LYPD6B: variants seen among roughly 807,000 people sequenced by gnomAD.
LYPD6B encodes the protein ly6/PLAUR domain-containing protein 6B.
In LYPD6B, 17 loss-of-function variants were observed where a neutral mutation model predicts 22.8. The observed-to-expected ratio is 0.75, with a 90% confidence interval of 0.51 to 1.12. The LOEUF (loss-of-function observed/expected upper bound fraction) is 1.12, where lower values mean the gene tolerates loss of function less well. LYPD6B is among the 50% of genes most tolerant of loss of function. LYPD6B has a pLI of 0.00. For synonymous variants in LYPD6B, 106 were observed against 91.6 expected, an observed-to-expected ratio of 1.16 and a Z score of -0.90; for missense variants, 221 against 258.3, an observed-to-expected ratio of 0.86 and a Z score of 0.99.
At chr2:149,166,733 C>A (rs1690447126) in intron 3 of LYPD6B, among the ~76,000 whole-genome samples, 1 of 152,074 alleles carries the variant, frequency 6.6e-6, no homozygotes, top group Non-Finnish European at 1.5e-5. Context: ...TACAACTTTG[C>A]ACTCATGAGA....
chr2:149,103,632 T>G (rs1686321227), intron 1 of LYPD6B, among the ~76,000 whole-genome samples: 1 of 152,084 alleles, frequency 6.6e-6, no homozygotes, highest in African/African-American at 2.4e-5. Context: ...TCTTGCCCCT[T>G]GGAAATCTCT....
At chr2:149,061,383 A>G (rs1684072602) in intron 1 of LYPD6B, among the ~76,000 whole-genome samples, 2 of 152,130 alleles carry the variant, frequency 1.3e-5, no homozygotes, top group South Asian at 4.2e-4. Flanking sequence ...GTAATAAAAT[A>G]TGTGTCTGTT....
intron 1 of LYPD6B, among the ~76,000 whole-genome samples, chr2:149,108,699 T>C (rs1397906792): frequency 6.6e-6 from 1 of 152,230 alleles, no homozygotes; most frequent in African/African-American, 2.4e-5. Context: ...AATGTTATTT[T>C]TGATGTGTTT....
At chr2:149,076,612 A>G (rs2105376912) in intron 1 of LYPD6B, among the ~76,000 whole-genome samples, 1 of 152,314 alleles carries the variant, frequency 6.6e-6, no homozygotes, top group South Asian at 2.1e-4. Context: ...TATTTAGGGT[A>G]TGTTTTCAGT....
At chr2:149,098,213 A>G (rs1459627969) in intron 1 of LYPD6B, among the ~76,000 whole-genome samples, 1 of 138,218 alleles carries the variant, frequency 7.2e-6, no homozygotes, top group Non-Finnish European at 1.6e-5. Context: ...TGAATCTCTA[A>G]GACTTAAATT....
intron 3 of LYPD6B, among the ~76,000 whole-genome samples, chr2:149,168,924 G>A (rs1690622140): frequency 6.6e-6 from 1 of 152,092 alleles, no homozygotes; most frequent in Admixed American, 6.6e-5. Context: ...GCCTATTTAG[G>A]TATTATCTAA....
At chr2:149,201,369 CT>C (rs1198973396) in intron 3 of LYPD6B, among the ~76,000 whole-genome samples, 1 of 152,182 alleles carries the variant, frequency 6.6e-6, no homozygotes, top group African/African-American at 2.4e-5. Context: ...TAAAAGATTT[CT>C]CCCCCTCTGG....
intron 3 of LYPD6B, among the ~76,000 whole-genome samples, chr2:149,198,712 A>C (rs1375151466): frequency 1.3e-5 from 2 of 152,210 alleles, no homozygotes; most frequent in African/African-American, 4.8e-5. Flanking sequence ...ACAGCTTTAT[A>C]CTTAAAAAAT....
chr2:149,102,490 C>G (rs566112125), intron 1 of LYPD6B, among the ~76,000 whole-genome samples: 1 of 152,214 alleles, frequency 6.6e-6, no homozygotes, highest in East Asian at 1.9e-4. Flanking sequence ...TATGCTTGTT[C>G]CATAAGCAAA....
At chr2:149,212,289 G>T (rs1693908091) in intron 5 of LYPD6B, among the ~76,000 whole-genome samples, 1 of 146,860 alleles carries the variant, frequency 6.8e-6, no homozygotes, top group African/African-American at 2.5e-5. Flanking sequence ...GGTTGAGGAA[G>T]GAGAATGGTG....
At chr2:149,165,776 C>A (rs1483115489) in intron 3 of LYPD6B, among the ~76,000 whole-genome samples, 1 of 152,142 alleles carries the variant, frequency 6.6e-6, no homozygotes, top group African/African-American at 2.4e-5. Flanking sequence ...GCATGTTAAC[C>A]CTAATGCTTC....
intron 1 of LYPD6B, chr2:149,100,979 T>C (rs1686178646): frequency 6.6e-6 from 1 of 152,218 alleles, no homozygotes; most frequent in African/African-American, 2.4e-5. Flanking sequence ...TTGTCAATGT[T>C]CTAATCTTGC....
chr2:149,084,116 A>AAAT (rs1231627765), intron 1 of LYPD6B, among the ~76,000 whole-genome samples: 6 of 151,960 alleles, frequency 3.9e-5, no homozygotes, highest in African/African-American at 1.2e-4. Flanking sequence ...AAATAAAATA[A>AAAT]AATAAAACAC....
chr2:149,145,910 C>A (rs774530143), intron 2 of LYPD6B, among the ~76,000 whole-genome samples: 7 of 152,150 alleles, frequency 4.6e-5, no homozygotes, highest in Admixed American at 4.6e-4. Flanking sequence ...TCTGAAGAAA[C>A]AACAGGCAAC....
intron 2 of LYPD6B, among the ~76,000 whole-genome samples, chr2:149,141,775 C>T (rs1651485531): frequency 6.6e-6 from 1 of 152,132 alleles, no homozygotes; most frequent in Non-Finnish European, 1.5e-5. Context: ...AATTTATTGT[C>T]TCATAGTCCT....
intron 1 of LYPD6B, among the ~76,000 whole-genome samples, chr2:149,040,445 C>T (rs554402569): frequency 1.3e-5 from 2 of 152,064 alleles, no homozygotes; most frequent in Non-Finnish European, 2.9e-5. Flanking sequence ...AGGCTGGTCT[C>T]GAACTCCTAA....
chr2:149,083,957 CA>C (rs34003691), intron 1 of LYPD6B, among the ~76,000 whole-genome samples: 5 of 150,740 alleles, frequency 3.3e-5, no homozygotes, highest in African/African-American at 9.7e-5. Flanking sequence ...ACAAAACAAA[CA>C]AAAAAAAACC....
chr2:149,124,701 A>G (rs1425014796), intron 1 of LYPD6B, among the ~76,000 whole-genome samples: 1 of 152,226 alleles, frequency 6.6e-6, no homozygotes, highest in Non-Finnish European at 1.5e-5. Context: ...TGGAACTGGC[A>G]CTTAAATGTG....
At chr2:149,102,528 A>C (rs557787914) in intron 1 of LYPD6B, among the ~76,000 whole-genome samples, 1 of 152,314 alleles carries the variant, frequency 6.6e-6, no homozygotes, top group East Asian at 1.9e-4. Flanking sequence ...GGGGATTTTG[A>C]ATTCCTGAGG....
Sources: gnomAD v4.1 joint callset for allele counts (sites outside exome capture counted in the v4.1 genomes callset) on GRCh38, gnomAD v4.1.1 for gene constraint, MANE v1.5 for transcripts, NCBI Gene and HGNC (gene_info 2026-07-23, HGNC 2026-07-21) for gene names.